The following RMDN2 variants were observed in gnomAD, a reference collection of about 807,000 sequenced individuals.
The protein encoded by RMDN2 is regulator of microtubule dynamics protein 2.
RMDN2 carries 61 observed loss-of-function variants against 52.8 expected under a neutral mutation model. The ratio of observed to expected loss-of-function variants is 1.16; its 90% confidence interval spans 0.94 to 1.43. RMDN2 has a LOEUF of 1.43. RMDN2 is among the 40% of genes most tolerant of loss of function. RMDN2 has a pLI of 0.00. For missense variants in RMDN2, 592 were observed against 475.3 expected (o/e 1.25, Z -2.28); for synonymous variants, 180 against 153.1 (o/e 1.18, Z -1.30).
At chr2:38,009,715 G>A (rs1677667372) in intron 10 of RMDN2, among the ~76,000 whole-genome samples, 1 of 152,132 alleles carries the variant, frequency 6.6e-6, no homozygotes. Flanking sequence ...CAACTTGTCA[G>A]AGTCATTCTC....
upstream of RMDN2, among the ~76,000 whole-genome samples, chr2:37,924,470 T>C (rs1041442217): frequency 6.6e-6 from 1 of 152,236 alleles, no homozygotes; most frequent in Admixed American, 6.5e-5. Flanking sequence ...GTTCAAACGA[T>C]TCTCCTGCCT....
At chr2:38,014,893 G>A (rs554795757) in intron 10 of RMDN2, among the ~76,000 whole-genome samples, 1 of 152,326 alleles carries the variant, frequency 6.6e-6, no homozygotes, top group African/African-American at 2.4e-5. Flanking sequence ...AATTTGATGA[G>A]TGTTTTGGAA....
Position 37,944,047 on chromosome 2 carries a change from T to C in RMDN2, c.452+14318T>C, listed in dbSNP as rs78765392. On this transcript the variant is annotated intron_variant, in intron 2 of 10. Transcript: ENST00000354545. ...ACAGATTTAGGCTTGTCATTTTGTT[T>C]ACACATAGGGGAAAACAATTCCATT... 4.2e-3 allele frequency among the ~76,000 whole-genome samples: 638 copies of C among 152,322 alleles called. 6 individuals are homozygous for C. Among genetic ancestry groups the C allele is most frequent in the African/African-American group, 0.014 (596 of 41,564 alleles).
At chr2:37,984,613 T>C (rs534213793) in intron 5 of RMDN2, among the ~76,000 whole-genome samples, 1 of 152,330 alleles carries the variant, frequency 6.6e-6, no homozygotes, top group South Asian at 2.1e-4. Context: ...TTTTTCATAG[T>C]ATAAACAGCA....
chr2:37,983,254 G>T (rs1436182938), intron 5 of RMDN2, among the ~76,000 whole-genome samples: 1 of 152,180 alleles, frequency 6.6e-6, no homozygotes, highest in East Asian at 1.9e-4. Flanking sequence ...TTTCATAGAG[G>T]AGCAATGTTG....
chr2:38,015,379 A>G (rs1160625680), intron 10 of RMDN2, among the ~76,000 whole-genome samples: 1 of 152,170 alleles, frequency 6.6e-6, no homozygotes, highest in Admixed American at 6.5e-5. Context: ...ATCCTGGCCA[A>G]CATGGTGAAA....
At chr2:38,045,349 A>G (rs547874702) in intron 10 of RMDN2, among the ~76,000 whole-genome samples, 1 of 152,280 alleles carries the variant, frequency 6.6e-6, no homozygotes, top group African/African-American at 2.4e-5. Flanking sequence ...ACACTCTTAC[A>G]CTCTTAGCAC....
At position 37,979,811 on chromosome 2, in the gene RMDN2, C is replaced by T. The variant is rs116050044; in HGVS notation, c.731-1472C>T. 3.0e-3 allele frequency among the ~76,000 whole-genome samples: 456 copies of T among 152,064 alleles called. 1 individual carries two copies. Among genetic ancestry groups the T allele is most frequent in the African/African-American group, 0.01 (422 of 41,466 alleles). ...CTTCTATTTCAGGCTTCTGGCAGTA[C>T]GCTGAAAGTTTTATTCATTTGGTAA... On this transcript the variant is annotated intron_variant, in intron 4 of 10. Transcript: ENST00000354545.
At chr2:37,949,418 GCATTGCCCCTGTGGCAAT>G (rs1387346635) in intron 2 of RMDN2, among the ~76,000 whole-genome samples, 1 of 152,168 alleles carries the variant, frequency 6.6e-6, no homozygotes, top group Non-Finnish European at 1.5e-5. Context: ...TGGGCCCTCT[GCATTGCCCCTGTGGCAAT>G]GTGGGACAAA....
rs186670079 is a variant in RMDN2 at position 38,064,763 on chromosome 2, G to A, written c.1714-2219G>A. Among the ~76,000 whole-genome samples, 743 of 145,442 alleles carry A rather than the reference G, an allele frequency of 5.1e-3. 8 individuals carry two copies. The highest frequency in any genetic ancestry group is 8.0e-3 in the Non-Finnish European group (534 of 66,336). On this transcript the variant is annotated intron_variant, in intron 10 of 10. Coordinates refer to the RMDN2 transcript ENST00000234195. ...GAAGTATTGAAAAATGAGGGTAGAT[G>A]TCTTTTTCCTCGTTAAAAAAAAAAA...
At chr2:38,029,809 CCA>C (rs1491036473) in intron 10 of RMDN2, 4 of 151,738 alleles carry the variant, frequency 2.6e-5, no homozygotes, top group Non-Finnish European at 4.4e-5. Context: ...AAAGACATAC[CCA>C]CCACTAGATA....
downstream of RMDN2, among the ~76,000 whole-genome samples, chr2:38,018,057 T>G (rs144183736): frequency 9.1e-3 from 1,387 of 152,288 alleles, 18 homozygotes; most frequent in African/African-American, 0.032. Flanking sequence ...TCACTTCTTT[T>G]GTGGTGGAAT....
chr2:38,021,556 T>A (rs567967693), downstream of RMDN2, among the ~76,000 whole-genome samples: 1 of 151,806 alleles, frequency 6.6e-6, no homozygotes, highest in South Asian at 2.1e-4. Context: ...TCCGAACACA[T>A]CCGAACATCA....
intron 8 of RMDN2, among the ~76,000 whole-genome samples, chr2:38,001,359 C>T (rs1676297002): frequency 6.6e-6 from 1 of 152,092 alleles, no homozygotes; most frequent in Non-Finnish European, 1.5e-5. Context: ...TAGAAACTGC[C>T]TCATCATTGG....
chr2:38,006,939 C>T (rs535597197), intron 10 of RMDN2, among the ~76,000 whole-genome samples: 1 of 152,234 alleles, frequency 6.6e-6, no homozygotes, highest in South Asian at 2.1e-4. Context: ...TGTCAAAGGC[C>T]TTTTCTGCAT....
At position 38,003,985 on chromosome 2, in the gene RMDN2, A is replaced by T. The variant is rs1467258826; in HGVS notation, c.1045-6A>T. 6.2e-7 allele frequency: 1 copy of T among 1,609,210 alleles called. No individual in the cohort carries two copies. Among genetic ancestry groups the T allele is most frequent in the African/African-American group, 1.3e-5 (1 of 74,834 alleles). On this transcript the variant is annotated splice_region_variant and splice_polypyrimidine_tract_variant and intron_variant, in intron 8 of 10. Coordinates refer to ENST00000354545, the MANE Select transcript of RMDN2 (RefSeq NM_001170791.3). ...GTTATTCTCTCATGTTTTTCTCTCA[A>T]ATCAGGCTGAAGAACTATGCCCTGG...
intron 10 of RMDN2, chr2:38,032,815 G>A (rs1196394485): frequency 2.0e-5 from 3 of 152,150 alleles, no homozygotes; most frequent in Non-Finnish European, 4.4e-5. Context: ...TTCCAGCTTG[G>A]GCAACAGAGC....
At chr2:38,060,792 G>A (rs930847084) in intron 10 of RMDN2, among the ~76,000 whole-genome samples, 1 of 150,312 alleles carries the variant, frequency 6.7e-6, no homozygotes, top group Admixed American at 6.7e-5. Context: ...AAACAATAAA[G>A]TTAGAGACAG....
intron 10 of RMDN2, among the ~76,000 whole-genome samples, chr2:38,052,973 A>G (rs966829730): frequency 6.6e-5 from 10 of 152,228 alleles, no homozygotes; most frequent in Non-Finnish European, 1.5e-4. Context: ...CACTAATTCC[A>G]TGACTGCCAA....
Sources: gnomAD v4.1 joint callset for allele counts (sites outside exome capture counted in the v4.1 genomes callset) on GRCh38, gnomAD v4.1.1 for gene constraint, MANE v1.5 for transcripts, NCBI Gene and HGNC (gene_info 2026-07-23, HGNC 2026-07-21) for gene names.